TENM4: variants seen among roughly 807,000 people sequenced by gnomAD.
The protein encoded by TENM4 is teneurin-4.
TENM4 carries 82 observed loss-of-function variants against 243.3 expected under a neutral mutation model. The ratio of observed to expected loss-of-function variants is 0.34; its 90% CI spans 0.28 to 0.40. The LOEUF is 0.40. Ranked by LOEUF, TENM4 falls within the 10% of genes least tolerant of loss-of-function variation. TENM4 has a pLI of 1.00. For missense variants in TENM4, 3,138 were observed against 3,673.3 expected (o/e 0.85, Z 3.77); for synonymous variants, 1,412 against 1,456.3 (o/e 0.97, Z 0.69).
intron 3 of TENM4, among the ~76,000 whole-genome samples, chr11:79,171,931 G>A (rs1322606179): frequency 1.3e-5 from 2 of 152,078 alleles, no homozygotes; most frequent in African/African-American, 4.8e-5. Flanking sequence ...CACTTTTGAG[G>A]GTGAAAGGAA....
chr11:79,421,794 T>C (rs1313818749), intron 1 of TENM4, among the ~76,000 whole-genome samples: 1 of 151,890 alleles, frequency 6.6e-6, no homozygotes, highest in African/African-American at 2.4e-5. Flanking sequence ...CAAACCAGGA[T>C]GTCTATTTCA....
chr11:78,897,027 G>C (rs1289441803), intron 7 of TENM4, among the ~76,000 whole-genome samples: 2 of 152,148 alleles, frequency 1.3e-5, no homozygotes, highest in Admixed American at 1.3e-4. Context: ...ACTGACGAGA[G>C]TGGCTGGCTC....
intron 12 of TENM4, among the ~76,000 whole-genome samples, chr11:78,829,866 T>C (rs1857937304): frequency 6.6e-6 from 1 of 152,184 alleles, no homozygotes; most frequent in Non-Finnish European, 1.5e-5. Context: ...CAGGGGCTCC[T>C]AGCATACTGT....
chr11:79,290,880 T>C (rs934816376), intron 2 of TENM4, among the ~76,000 whole-genome samples: 3 of 152,166 alleles, frequency 2.0e-5, no homozygotes, highest in Non-Finnish European at 2.9e-5. Context: ...TAAGGAATCC[T>C]CCCAGAAAAG....
At chr11:78,777,523 GATGAT>G (rs1856760630) in intron 17 of TENM4, among the ~76,000 whole-genome samples, 2 of 152,188 alleles carry the variant, frequency 1.3e-5, no homozygotes, top group South Asian at 4.1e-4. Context: ...ATAAGAATAT[GATGAT>G]AAAGCAGTAT....
intron 1 of TENM4, among the ~76,000 whole-genome samples, chr11:79,341,191 G>A (rs564458239): frequency 2.6e-4 from 39 of 152,300 alleles, no homozygotes; most frequent in Middle Eastern, 6.8e-3. Context: ...TTGAATTTCC[G>A]ATCTCAGGAA....
intron 9 of TENM4, among the ~76,000 whole-genome samples, chr11:78,875,977 G>A (rs908409757): frequency 6.6e-6 from 1 of 152,192 alleles, no homozygotes. Context: ...TGTTTGTTCT[G>A]AGCCTCAGGT....
chr11:79,219,764 C>A (rs550712569), intron 2 of TENM4, among the ~76,000 whole-genome samples: 1 of 152,276 alleles, frequency 6.6e-6, no homozygotes, highest in East Asian at 1.9e-4. Context: ...GGCTGTCCAC[C>A]GGTATGTGGA....
chr11:79,108,017 T>C (rs147030982), intron 4 of TENM4, among the ~76,000 whole-genome samples: 137 of 152,344 alleles, frequency 9.0e-4, no homozygotes, highest in Non-Finnish European at 1.8e-3. Context: ...AATAGATGCT[T>C]AATTCATGGG....
chr11:79,258,707 A>T (rs1038047179), intron 2 of TENM4, among the ~76,000 whole-genome samples: 4 of 152,242 alleles, frequency 2.6e-5, no homozygotes, highest in African/African-American at 9.6e-5. Flanking sequence ...GTCTGCTAAC[A>T]GAGCCAGGGG....
rs189584130 is a variant in TENM4, at chr11:78,718,160, G to A, written c.3821+2210C>T. ...TTAAAATCCATCTCCAACATTTACT[G>A]ATGGGGACACTGAAGCCCAGAGAGA... On this transcript the variant is annotated intron_variant, in intron 25 of 33. Transcript: ENST00000278550. 1.5e-4 allele frequency among the ~76,000 whole-genome samples: 23 copies of A among 152,276 alleles called. No individual in the cohort carries two copies. In the East Asian group the frequency reaches 4.1e-3, roughly 27 times the overall value.
At chr11:78,906,196 C>T (rs182966719) in intron 6 of TENM4, among the ~76,000 whole-genome samples, 78 of 152,344 alleles carry the variant, frequency 5.1e-4, no homozygotes, top group African/African-American at 1.8e-3. Flanking sequence ...AAACCCTTAA[C>T]GTTTCTAATG....
At chr11:79,253,622 C>T (rs571443809) in intron 2 of TENM4, among the ~76,000 whole-genome samples, 2 of 152,288 alleles carry the variant, frequency 1.3e-5, no homozygotes, top group South Asian at 4.1e-4. Flanking sequence ...TACAGCTTCT[C>T]CTCTGAACCG....
At chr11:79,082,840 T>C (rs1252330791) in intron 4 of TENM4, among the ~76,000 whole-genome samples, 1 of 152,170 alleles carries the variant, frequency 6.6e-6, no homozygotes. Flanking sequence ...CCCATAATGA[T>C]AGGAAAACCC....
intron 4 of TENM4, among the ~76,000 whole-genome samples, chr11:79,122,687 C>T (rs906087240): frequency 6.6e-6 from 1 of 152,138 alleles, no homozygotes; most frequent in African/African-American, 2.4e-5. Context: ...AACAAGAGTC[C>T]ACTGCCTCCA....
chr11:78,661,408 T>G, intron 33 of TENM4, 41 bp downstream of exon 33: 1 of 1,589,162 alleles, frequency 6.3e-7, no homozygotes, highest in Non-Finnish European at 8.6e-7. Flanking sequence ...TCCAGTAATG[T>G]CTGAGTGGCC....
rs113781808 is a variant in TENM4, at chr11:78,992,701, G to A, written c.493+72037C>T. ...AATATATGATTAAGAAATAGGTTGT[G>A]AGTAGGAAGTAGAGAAGGTGTTTTG... On this transcript the variant is annotated intron_variant, in intron 6 of 33. Coordinates refer to ENST00000278550, the MANE Select transcript of TENM4 (RefSeq NM_001098816.3). Among the ~76,000 whole-genome samples the A allele has an allele frequency of 4.4e-3, 671 of 152,342 alleles. 3 individuals are homozygous for A. Among genetic ancestry groups the A allele is most frequent in the African/African-American group, 0.015 (638 of 41,572 alleles).
intron 9 of TENM4, among the ~76,000 whole-genome samples, chr11:78,865,782 G>T (rs1234238720): frequency 6.6e-6 from 1 of 152,158 alleles, no homozygotes; most frequent in Admixed American, 6.5e-5. Context: ...GGTTACTGTG[G>T]TACAGGAGAA....
chr11:79,239,285 T>C (rs1457968849), intron 2 of TENM4, among the ~76,000 whole-genome samples: 1 of 152,210 alleles, frequency 6.6e-6, no homozygotes, highest in Non-Finnish European at 1.5e-5. Flanking sequence ...GGAAGCAATA[T>C]GCTTTTTATC....
Sources: gnomAD v4.1 joint callset for allele counts (sites outside exome capture counted in the v4.1 genomes callset) on GRCh38, gnomAD v4.1.1 for gene constraint, MANE v1.5 for transcripts, NCBI Gene and HGNC (gene_info 2026-07-23, HGNC 2026-07-21) for gene names.